ARMH3: variants seen among roughly 807,000 people sequenced by gnomAD.
ARMH3 encodes the protein armadillo-like helical domain-containing protein 3.
ARMH3 carries 60 observed loss-of-function variants against 99.1 expected under a neutral mutation model. The ratio of observed to expected loss-of-function variants is 0.61; its 90% CI spans 0.49 to 0.75. ARMH3 has a LOEUF of 0.75. Among genes scored for constraint, ARMH3 ranks in the 30% least tolerant of loss-of-function variants. The pLI is 0.00. For synonymous variants in ARMH3, 285 were observed against 292.8 expected (o/e 0.97, Z 0.27); for missense variants, 679 against 843.1 (o/e 0.81, Z 2.41).
intron 1 of ARMH3, among the ~76,000 whole-genome samples, chr10:102,045,668 T>C (rs934039102): frequency 3.3e-5 from 5 of 152,186 alleles, no homozygotes; most frequent in East Asian, 3.8e-4. Flanking sequence ...TTTTTTAATA[T>C]ATAAGAAGAA....
At chr10:102,017,118 C>T (rs1165547481) in intron 8 of ARMH3, among the ~76,000 whole-genome samples, 6 of 152,178 alleles carry the variant, frequency 3.9e-5, no homozygotes. Context: ...GTACTGGTGG[C>T]TAGAATGCTA....
intron 23 of ARMH3, among the ~76,000 whole-genome samples, chr10:101,892,097 G>C (rs1474513751): frequency 6.6e-6 from 1 of 151,148 alleles, no homozygotes; most frequent in Admixed American, 6.6e-5. Flanking sequence ...GGGTGACATA[G>C]TGAAACCCTG....
At chr10:102,029,479 A>C in intron 5 of ARMH3, 159 bp downstream of exon 5, 1 of 1,555,482 alleles carries the variant, frequency 6.4e-7, no homozygotes, top group Non-Finnish European at 8.7e-7. Context: ...TATTCAGATA[A>C]AGCAAATCTG....
intron 19 of ARMH3, among the ~76,000 whole-genome samples, chr10:101,983,776 C>A (rs1179523231): frequency 6.6e-6 from 1 of 152,182 alleles, no homozygotes; most frequent in East Asian, 1.9e-4. Flanking sequence ...CTTCATCTGA[C>A]TGTTTATATG....
At chr10:102,006,733 A>AT (rs879788123) in intron 13 of ARMH3, 100 bp from the exon 14 acceptor site, 43,228 of 881,420 alleles carry the variant, frequency 0.049, no homozygotes, top group East Asian at 0.06. Flanking sequence ...GGACCTTATA[A>AT]TTTTTTTTTT....
At chr10:102,009,916 T>C (rs891388488) in intron 12 of ARMH3, 61 bp downstream of exon 12, 3 of 1,481,904 alleles carry the variant, frequency 2.0e-6, no homozygotes, top group African/African-American at 1.4e-5. Flanking sequence ...CACACTCTCA[T>C]ATCCAGCAGG....
chr10:101,954,525 C>T (rs932193371), intron 22 of ARMH3, among the ~76,000 whole-genome samples: 12 of 151,980 alleles, frequency 7.9e-5, no homozygotes, highest in African/African-American at 2.7e-4. Flanking sequence ...AGGGGTTGTG[C>T]GTAGACAAAG....
At chr10:101,915,165 G>C (rs1286044811) in intron 23 of ARMH3, among the ~76,000 whole-genome samples, 1 of 151,976 alleles carries the variant, frequency 6.6e-6, no homozygotes, top group Non-Finnish European at 1.5e-5. Context: ...ACTAGGAGGA[G>C]GAGAAGGGAC....
At chr10:101,937,508 G>C (rs1422095888) in intron 23 of ARMH3, among the ~76,000 whole-genome samples, 2 of 146,904 alleles carry the variant, frequency 1.4e-5, no homozygotes, top group African/African-American at 5.1e-5. Flanking sequence ...GACAGAGTCA[G>C]ACCCTGTCTC....
At chr10:101,906,086 G>C (rs2068095508) in intron 23 of ARMH3, among the ~76,000 whole-genome samples, 1 of 152,094 alleles carries the variant, frequency 6.6e-6, no homozygotes, top group Non-Finnish European at 1.5e-5. Context: ...GATTTGTTTA[G>C]CTCTAGTCCA....
intron 1 of ARMH3, among the ~76,000 whole-genome samples, chr10:102,043,900 G>C (rs2067479670): frequency 6.6e-6 from 1 of 152,044 alleles, no homozygotes; most frequent in African/African-American, 2.4e-5. Context: ...CTTCTCTCTG[G>C]AAGATACAAG....
intron 8 of ARMH3, among the ~76,000 whole-genome samples, chr10:102,015,154 G>A: frequency 6.6e-6 from 1 of 152,144 alleles, no homozygotes; most frequent in Non-Finnish European, 1.5e-5. Flanking sequence ...TACTTGATCT[G>A]ACAGAAGGAA....
At position 101,919,450 on chromosome 10, in the gene ARMH3, G is replaced by A. The variant is rs79616731; in HGVS notation, c.1781+20413C>T. On this transcript the variant is annotated intron_variant, in intron 23 of 25. Coordinates refer to ENST00000370033, the MANE Select transcript of ARMH3 (RefSeq NM_024541.3). ...GATGAACAGCCCTTTCTTTGCCAAC[G>A]AAGCTCACAGCACTTTATAAGCCTT... is the stretch of plus-strand genomic sequence containing the variant. 4.8e-3 allele frequency among the ~76,000 whole-genome samples: 730 copies of A among 152,160 alleles called. 4 individuals are homozygous for A. Among genetic ancestry groups the A allele is most frequent in the African/African-American group, 0.017 (688 of 41,504 alleles).
At chr10:101,992,502 T>TG (rs1846847507) in intron 17 of ARMH3, among the ~76,000 whole-genome samples, 1 of 151,854 alleles carries the variant, frequency 6.6e-6, no homozygotes, top group Non-Finnish European at 1.5e-5. Flanking sequence ...ATGTAATTTT[T>TG]TTTTTTTTTT....
chr10:101,985,119 A>C (rs1167229211), intron 19 of ARMH3, among the ~76,000 whole-genome samples: 3 of 147,182 alleles, frequency 2.0e-5, no homozygotes, highest in Admixed American at 1.4e-4. Context: ...ACACGTGTAC[A>C]TATATATACA....
chr10:102,024,076 G>A (rs147234644), intron 6 of ARMH3, among the ~76,000 whole-genome samples: 1 of 152,304 alleles, frequency 6.6e-6, no homozygotes, highest in Non-Finnish European at 1.5e-5. Context: ...TTCAAGAGGT[G>A]GCAGGGAAAG....
intron 23 of ARMH3, among the ~76,000 whole-genome samples, chr10:101,936,662 T>C (rs1486869197): frequency 6.6e-6 from 1 of 151,864 alleles, no homozygotes; most frequent in Non-Finnish European, 1.5e-5. Context: ...TGGGGATATG[T>C]CCCCAAAAAG....
chr10:101,941,547 A>T (rs530825899), intron 22 of ARMH3, among the ~76,000 whole-genome samples: 2 of 152,314 alleles, frequency 1.3e-5, no homozygotes, highest in South Asian at 2.1e-4. Context: ...GTGATGGGGG[A>T]AAGAAAGCTC....
chr10:101,847,661 G>C (rs752115697), intron 25 of ARMH3, 41 bp from the exon 26 acceptor site: 4 of 1,572,284 alleles, frequency 2.5e-6, no homozygotes, highest in African/African-American at 1.3e-5. Flanking sequence ...GGCGCAGCCA[G>C]AGAGAAAACA....
Sources: gnomAD v4.1 joint callset for allele counts (sites outside exome capture counted in the v4.1 genomes callset) on GRCh38, gnomAD v4.1.1 for gene constraint, MANE v1.5 for transcripts, NCBI Gene and HGNC (gene_info 2026-07-23, HGNC 2026-07-21) for gene names.